The following PDE1C variants were observed in gnomAD, a reference collection of about 807,000 sequenced individuals.
PDE1C encodes phosphodiesterase 1C.
In PDE1C, 62 loss-of-function variants were observed where a neutral mutation model predicts 93.1. The ratio of observed to expected loss-of-function variants is 0.67; its 90% CI spans 0.54 to 0.82. The LOEUF is 0.82. PDE1C is among the 40% of genes least tolerant of loss of function. The pLI, the probability that PDE1C is intolerant of heterozygous loss-of-function variation, is 0.00. For missense variants in PDE1C, 742 were observed against 884.6 expected, an observed-to-expected ratio of 0.84 and a Z score of 2.04; for synonymous variants, 325 against 310.1, an observed-to-expected ratio of 1.05 and a Z score of -0.50.
At chr7:32,311,335 G>T (rs181910910) in intron 1 of PDE1C, among the ~76,000 whole-genome samples, 6 of 152,160 alleles carry the variant, frequency 3.9e-5, no homozygotes, top group Non-Finnish European at 8.8e-5. Context: ...ACAAGGAGGA[G>T]CTGGTACCAT....
chr7:32,026,328 G>A lies in PDE1C; in HGVS notation c.128+25226C>T, dbSNP rs148582931. Among the ~76,000 whole-genome samples the A allele has an allele frequency of 7.9e-3, 1,202 of 152,224 alleles. 11 individuals carry two copies. The highest frequency in any genetic ancestry group is 0.044 in the Middle Eastern group (13 of 294). ...ATGAAATGCTGGTAATCCATCCTCT[G>A]GTCTGCCATCTTCTCTTATCCCTCA... On this transcript the variant is annotated intron_variant, in intron 2 of 17. Transcript: ENST00000396191.
At chr7:31,995,523 C>A (rs762704651) in intron 2 of PDE1C, among the ~76,000 whole-genome samples, 4 of 152,168 alleles carry the variant, frequency 2.6e-5, no homozygotes, top group South Asian at 4.1e-4. Context: ...TTTAAAATTA[C>A]AACATAATTA....
chr7:31,766,673 C>T (rs1046928081), intron 17 of PDE1C, among the ~76,000 whole-genome samples: 1 of 152,144 alleles, frequency 6.6e-6, no homozygotes, highest in South Asian at 2.1e-4. Flanking sequence ...CACAAAATAT[C>T]TAATATTTCT....
At chr7:31,625,773 A>T in the PDE1C span, among the ~76,000 whole-genome samples, 329 of 148,686 alleles carry the variant, frequency 2.2e-3, 1 homozygote, top group African/African-American at 7.3e-3. Flanking sequence ...AAGTATAATT[A>T]AAAAAAAAAC....
chr7:32,385,923 T>C, intron 1 of PDE1C, among the ~76,000 whole-genome samples: 1 of 152,098 alleles, frequency 6.6e-6, no homozygotes, highest in East Asian at 1.9e-4. Context: ...AACAAGCTAC[T>C]GGTCTGGGCT....
At chr7:31,771,634 A>G (rs529518694) in intron 17 of PDE1C, among the ~76,000 whole-genome samples, 1 of 120,772 alleles carries the variant, frequency 8.3e-6, no homozygotes, top group South Asian at 2.3e-4. Context: ...CTAGATATTA[A>G]CCCCTTATCC....
intron 2 of PDE1C, among the ~76,000 whole-genome samples, chr7:32,039,949 A>G (rs1436581336): frequency 6.6e-6 from 1 of 152,198 alleles, no homozygotes; most frequent in African/African-American, 2.4e-5. Flanking sequence ...TTTGTTTCAG[A>G]ACGTAGTATA....
chr7:32,051,474 C>G (rs375224276), intron 2 of PDE1C, 80 bp downstream of exon 2: 1 of 1,323,116 alleles, frequency 7.6e-7, no homozygotes, highest in Non-Finnish European at 1.1e-6. Flanking sequence ...TATTACAGTT[C>G]CAGTCCACCA....
chr7:31,817,799 T>C (rs1156719537), intron 14 of PDE1C, among the ~76,000 whole-genome samples: 2 of 152,196 alleles, frequency 1.3e-5, no homozygotes, highest in Non-Finnish European at 2.9e-5. Context: ...TTTGTTTTAG[T>C]TGCTAAAGAG....
chr7:32,309,619 C>T (rs914605367), intron 1 of PDE1C, among the ~76,000 whole-genome samples: 26 of 152,276 alleles, frequency 1.7e-4, no homozygotes, highest in South Asian at 6.2e-4. Flanking sequence ...AAAAGAATTT[C>T]CAACCCAGAA....
intron 2 of PDE1C, among the ~76,000 whole-genome samples, chr7:31,936,959 C>T (rs889418405): frequency 2.0e-5 from 3 of 152,122 alleles, no homozygotes; most frequent in African/African-American, 7.2e-5. Context: ...CGTCAACACA[C>T]GTAAGCTATC....
intron 16 of PDE1C, among the ~76,000 whole-genome samples, chr7:31,778,315 G>A (rs983553647): frequency 6.6e-6 from 1 of 152,176 alleles, no homozygotes; most frequent in African/African-American, 2.4e-5. Context: ...TGTCTTTTAT[G>A]TTGTGATCCA....
chr7:32,137,277 C>T lies in PDE1C; in HGVS notation c.308+32508G>A, dbSNP rs115717988. Among the ~76,000 whole-genome samples the T allele has an allele frequency of 4.9e-3, 749 of 152,300 alleles. 5 individuals are homozygous for T. The highest frequency in any genetic ancestry group is 0.018 in the African/African-American group (733 of 41,570). Reference sequence around the variant, plus strand: ...TCTAAAAATAGACCAAGATACACCCCAGCCCCAGCACTTCCATTCTTCATT... The same window carrying T: ...TCTAAAAATAGACCAAGATACACCCTAGCCCCAGCACTTCCATTCTTCATT... On this transcript the variant is annotated intron_variant, in intron 3 of 18. Transcript: ENST00000396193.
rs146162394 is a variant in PDE1C, at chr7:32,297,042, C to T, written c.85+1609G>A. Among the ~76,000 whole-genome samples, 424 of 152,190 alleles carry T rather than the reference C, an allele frequency of 2.8e-3. 1 individual carries two copies. Among genetic ancestry groups the T allele is most frequent in the Non-Finnish European group, 3.9e-3 (263 of 68,006 alleles). On this transcript the variant is annotated intron_variant, in intron 1 of 18. Coordinates refer to the PDE1C transcript ENST00000396193. ...TCTGATGGGGATGGAGAGTGGAAGA[C>T]GTGGAAAGTGAAAGCTGGGATCTAA...
At chr7:31,709,332 G>A in the PDE1C span, among the ~76,000 whole-genome samples, 1 of 152,204 alleles carries the variant, frequency 6.6e-6, no homozygotes, top group Admixed American at 6.5e-5. Flanking sequence ...TCTTGAAAAT[G>A]AGGATAATAA....
rs113413250 is a variant in PDE1C at position 32,393,035 on chromosome 7, C to T, written c.310+34787G>A. Among the ~76,000 whole-genome samples the T allele has an allele frequency of 6.7e-3, 707 of 104,996 alleles. 7 individuals are homozygous for T. Among genetic ancestry groups the T allele is most frequent in the African/African-American group, 0.026 (686 of 26,580 alleles). The allele number at this position is 104,996 out of a possible 152,430, so 68.9% of individuals were successfully genotyped here. A position where few individuals can be genotyped will look rare whatever the true frequency, so the allele number is the denominator to read the frequency against. On this transcript the variant is annotated intron_variant, in intron 1 of 1. Coordinates refer to the PDE1C transcript ENST00000672256. Reference sequence around the variant, plus strand: ...CTGCACTCCAGCCTGGGCAACAGAGCGAGACTCTGTCTCAAAAAAAAAAAA... The same window carrying T: ...CTGCACTCCAGCCTGGGCAACAGAGTGAGACTCTGTCTCAAAAAAAAAAAA...
chr7:31,638,724 AG>A, the PDE1C span, among the ~76,000 whole-genome samples: 7 of 152,112 alleles, frequency 4.6e-5, no homozygotes, highest in Admixed American at 3.3e-4. Flanking sequence ...GTTGATTTTA[AG>A]GGTTTTTATA....
chr7:31,753,450 C>A lies in PDE1C; in HGVS notation c.2064G>T (p.Lys688Asn), dbSNP rs375685032. 1.2e-6 allele frequency: 2 copies of A among 1,612,642 alleles called. No homozygotes were observed. The highest frequency in any genetic ancestry group is 1.7e-6 in the Non-Finnish European group (2 of 1,179,776). The change falls in exon 18 of 18, where the codon AAG (lysine) becomes AAT (asparagine). Residue 688 changes from lysine to asparagine, a missense_variant. Physicochemically the swap from Lys to Asn is moderately conservative, Grantham distance 94 (BLOSUM62 0). Around this residue, in one of 4 missense-constraint regions of PDE1C, gnomAD observed 454 missense variants for 459.4 expected, o/e 0.99. Coordinates refer to ENST00000396191, the MANE Select transcript of PDE1C (RefSeq NM_001191057.4). ...KKTDEHPARY[K>N]MLDQRIKMKK... ...TCATTTTGATCCTCTGATCCAGCATCTTGTACCTTGCAGGATGCTCATCAG... is the reference window on the plus strand; with the variant it reads ...TCATTTTGATCCTCTGATCCAGCATATTGTACCTTGCAGGATGCTCATCAG...
intron 1 of PDE1C, among the ~76,000 whole-genome samples, chr7:32,423,582 G>A (rs1275136324): frequency 6.6e-6 from 1 of 152,144 alleles, no homozygotes; most frequent in African/African-American, 2.4e-5. Context: ...CAACAAGCCT[G>A]AGCGTCTGTA....
Sources: gnomAD v4.1 joint callset for allele counts (sites outside exome capture counted in the v4.1 genomes callset) on GRCh38, gnomAD v4.1.1 for gene constraint, gnomAD v4.1.1 regional missense constraint, MANE v1.5 for transcripts, NCBI Gene and HGNC (gene_info 2026-07-23, HGNC 2026-07-21) for gene names.